The following SPRY3 variants were observed in gnomAD, a reference collection of about 807,000 sequenced individuals.
SPRY3 encodes the protein protein sprouty homolog 3.
SPRY3 carries 15 observed loss-of-function variants against 20.2 expected under a neutral mutation model. The observed-to-expected ratio is 0.74, with a 90% CI of 0.50 to 1.14. SPRY3 has a LOEUF of 1.14. Ranked by LOEUF, SPRY3 falls within the 50% of genes most tolerant of loss-of-function variation. The pLI is 0.00. For synonymous variants in SPRY3, 143 were observed against 136.5 expected, an observed-to-expected ratio of 1.05 and a Z score of -0.33; for missense variants, 364 against 363.9, an observed-to-expected ratio of 1.00 and a Z score of 0.00.
At chrX:155,629,650 A>G in intron 1 of SPRY3, among the ~76,000 whole-genome samples, 1 of 111,665 alleles carries the variant, frequency 9.0e-6, no homozygotes, top group Non-Finnish European at 1.9e-5. Context: ...CTATTTCTCC[A>G]CATCCTCTCC....
At chrX:155,764,661 C>A (rs1185635493) in intron 2 of SPRY3, among the ~76,000 whole-genome samples, 1 of 151,824 alleles carries the variant, frequency 6.6e-6, no homozygotes, top group Non-Finnish European at 1.5e-5. Flanking sequence ...GGGAGACAGA[C>A]AATTATAATA....
chrX:155,674,776 C>A (rs782806128), intron 2 of SPRY3, among the ~76,000 whole-genome samples: 1 of 110,631 alleles, frequency 9.0e-6, no homozygotes, highest in African/African-American at 3.3e-5. Flanking sequence ...AAAGATTTTT[C>A]CATTGATCAT....
intron 2 of SPRY3, among the ~76,000 whole-genome samples, chrX:155,734,256 C>A (rs1232130474): frequency 6.6e-6 from 1 of 151,940 alleles, no homozygotes; most frequent in Non-Finnish European, 1.5e-5. Context: ...ATGTAAAGGC[C>A]ATTGTAAGGT....
intron 2 of SPRY3, among the ~76,000 whole-genome samples, chrX:155,713,903 C>T (rs2091003828): frequency 6.6e-6 from 1 of 151,952 alleles, no homozygotes; most frequent in African/African-American, 2.4e-5. Flanking sequence ...ATTTTGTCTC[C>T]TCTGACTTTG....
chrX:155,717,171 T>TG lies in SPRY3; in HGVS notation c.-281-50791_-281-50790insG, dbSNP rs2091029149. 2.0e-5 allele frequency among the ~76,000 whole-genome samples: 3 copies of TG among 148,474 alleles called. No homozygotes were observed. In the South Asian group the frequency reaches 6.4e-4, roughly 32 times the overall value. On this transcript the variant is annotated intron_variant, in intron 2 of 3. Transcript: ENST00000675360. ...GAGACTGTCAAAAAAAAAAAAAAGA[T>TG]ATCATCAACTTTTATTTTTTTGCTG...
chrX:155,733,107 T>C (rs1349928560), intron 2 of SPRY3, among the ~76,000 whole-genome samples: 1 of 151,940 alleles, frequency 6.6e-6, no homozygotes. Context: ...AGGGTGACTA[T>C]ATTTAATAAT....
intron 2 of SPRY3, among the ~76,000 whole-genome samples, chrX:155,721,203 A>T (rs757303130): frequency 6.6e-6 from 1 of 152,282 alleles, no homozygotes; most frequent in South Asian, 2.1e-4. Flanking sequence ...CAGAAGAAAG[A>T]ATTAGTAGTG....
chrX:155,725,353 C>T (rs922710370), intron 2 of SPRY3, among the ~76,000 whole-genome samples: 3 of 152,162 alleles, frequency 2.0e-5, no homozygotes, highest in Non-Finnish European at 4.4e-5. Context: ...AGGGAGGATT[C>T]CCTCTTTTTC....
At chrX:155,719,497 G>A (rs1265123965) in intron 2 of SPRY3, among the ~76,000 whole-genome samples, 2 of 152,100 alleles carry the variant, frequency 1.3e-5, no homozygotes, top group African/African-American at 2.4e-5. Flanking sequence ...AGCTAAGGGA[G>A]TGCTGGTATC....
At chrX:155,680,365 C>T (rs935544871) in intron 2 of SPRY3, among the ~76,000 whole-genome samples, 12 of 109,116 alleles carry the variant, frequency 1.1e-4, no homozygotes, top group Non-Finnish European at 2.1e-4. Flanking sequence ...AGAATGGTGA[C>T]GACTTAAGGT....
intron 1 of SPRY3, among the ~76,000 whole-genome samples, chrX:155,632,219 C>CCACACACA (rs55865452): frequency 0.068 from 6,667 of 98,393 alleles, 321 homozygotes; most frequent in African/African-American, 0.15. Context: ...TCCACAGCCA[C>CCACACACA]CACACACACA....
At chrX:155,751,953 TAAAATAAAATAAAATAA>T (rs2091265059) in intron 2 of SPRY3, among the ~76,000 whole-genome samples, 1 of 139,030 alleles carries the variant, frequency 7.2e-6, no homozygotes, top group African/African-American at 2.7e-5. Context: ...TAAAATAAAA[TAAAATAAAATAAAATAA>T]AATAAAATAA....
At chrX:155,715,702 G>A (rs1425604697) in intron 2 of SPRY3, among the ~76,000 whole-genome samples, 6 of 152,248 alleles carry the variant, frequency 3.9e-5, no homozygotes, top group Middle Eastern at 3.4e-3. Flanking sequence ...ACTTCAGCCA[G>A]TGGTGGCAAG....
intron 2 of SPRY3, among the ~76,000 whole-genome samples, chrX:155,688,200 G>A (rs756613639): frequency 7.3e-4 from 80 of 110,278 alleles, no homozygotes; most frequent in Non-Finnish European, 1.2e-3. Flanking sequence ...TCGTGTCCCC[G>A]AAGAGGACAT....
intron 2 of SPRY3, among the ~76,000 whole-genome samples, chrX:155,660,724 GGAT>G (rs1404605908): frequency 9.2e-6 from 1 of 108,338 alleles, no homozygotes; most frequent in African/African-American, 3.3e-5. Flanking sequence ...TATCTATCTA[GGAT>G]TGTCATATCT....
chrX:155,751,789 T>C (rs2091263234), intron 2 of SPRY3, among the ~76,000 whole-genome samples: 1 of 151,618 alleles, frequency 6.6e-6, no homozygotes. Context: ...TGTTGAAGAT[T>C]GGACATAGTG....
chrX:155,722,087 G>A (rs2091063115), intron 2 of SPRY3, among the ~76,000 whole-genome samples: 2 of 152,070 alleles, frequency 1.3e-5, no homozygotes, highest in Non-Finnish European at 2.9e-5. Context: ...AAGGTATAGA[G>A]TTTTTATTAG....
chrX:155,675,061 T>C lies in SPRY3; in HGVS notation c.-282+18036T>C, dbSNP rs782217102. Among the ~76,000 whole-genome samples, 10 of 111,886 alleles carry C rather than the reference T, an allele frequency of 8.9e-5. No individual in the cohort carries two copies. The South Asian group carries it at 3.7e-3, about 42-fold the overall frequency. ...CCTATATAATTCTGTTGCTGTCTAC[T>C]TTTTTATGATGAAAAATATAATATG... On this transcript the variant is annotated intron_variant, in intron 2 of 3. Coordinates refer to ENST00000675360, the Ensembl canonical transcript of SPRY3.
chrX:155,777,257 G>A (rs1255895876), downstream of SPRY3: 1 of 166,854 alleles, frequency 6.0e-6, no homozygotes, highest in Non-Finnish European at 1.5e-5. Context: ...TGTTCCTGGA[G>A]CTAAATTATT....
Sources: gnomAD v4.1 joint callset for allele counts (sites outside exome capture counted in the v4.1 genomes callset) on GRCh38, gnomAD v4.1.1 for gene constraint, MANE v1.5 for transcripts, NCBI Gene and HGNC (gene_info 2026-07-23, HGNC 2026-07-21) for gene names.